The following GLYATL2 variants were observed in gnomAD, a reference collection of about 807,000 sequenced individuals.
The protein encoded by GLYATL2 is glycine N-acyltransferase-like protein 2.
GLYATL2 carries 25 observed loss-of-function variants against 21.4 expected under a neutral mutation model. That is an observed-to-expected ratio of 1.17 (90% CI 0.85 to 1.63). The LOEUF (loss-of-function observed/expected upper bound fraction) is 1.63, where lower values mean the gene tolerates loss of function less well. GLYATL2 is among the 40% of genes most tolerant of loss of function. GLYATL2 has a pLI of 0.00. For missense variants in GLYATL2, 361 were observed against 343.3 expected (o/e 1.05, Z -0.41); for synonymous variants, 114 against 118.2 (o/e 0.96, Z 0.23).
At chr11:58,860,814 T>C (rs10792195) in intron 1 of GLYATL2, among the ~76,000 whole-genome samples, 134,690 of 151,880 alleles carry the variant, frequency 0.89, 60,883 homozygotes, top group Non-Finnish European at 0.98. Flanking sequence ...CAGGAAATCA[T>C]GGTGAGCTTT....
intron 1 of GLYATL2, among the ~76,000 whole-genome samples, chr11:58,873,696 T>A (rs1406813100): frequency 6.6e-6 from 1 of 152,244 alleles, no homozygotes; most frequent in Non-Finnish European, 1.5e-5. Context: ...GCCAGTATTT[T>A]ATTGAGGATT....
upstream of GLYATL2, among the ~76,000 whole-genome samples, chr11:58,906,592 T>C (rs776685845): frequency 7.2e-5 from 11 of 152,182 alleles, no homozygotes; most frequent in Admixed American, 3.3e-4. Flanking sequence ...AGTCTCATTC[T>C]TTCTGTTGCA....
rs139974746 is a variant in GLYATL2, at chr11:58,869,932, C to T, written n.61-31564G>A. On this transcript the variant is annotated intron_variant and non_coding_transcript_variant, in intron 1 of 4. Transcript: ENST00000533636. ...CCTGAAAAACAAAGACCCCCGCCTG[C>T]ATCTCTATAAAATGAAAATAAAACA... 4.8e-3 allele frequency among the ~76,000 whole-genome samples: 731 copies of T among 152,154 alleles called. 4 individuals are homozygous for T. The highest frequency in any genetic ancestry group is 0.014 in the Middle Eastern group (4 of 294).
At chr11:58,877,064 C>T (rs537881885) in intron 1 of GLYATL2, among the ~76,000 whole-genome samples, 10 of 152,328 alleles carry the variant, frequency 6.6e-5, no homozygotes, top group South Asian at 4.1e-4. Context: ...GAGTGAGGCT[C>T]GGTAGGCATA....
intron 1 of GLYATL2, among the ~76,000 whole-genome samples, chr11:58,884,431 G>A (rs186901260): frequency 6.6e-6 from 1 of 152,314 alleles, no homozygotes. Context: ...GACAAACAGA[G>A]AGCCAAATAA....
chr11:58,846,667 A>C (rs1250651185), upstream of GLYATL2, among the ~76,000 whole-genome samples: 1 of 152,194 alleles, frequency 6.6e-6, no homozygotes, highest in Non-Finnish European at 1.5e-5. Context: ...GGGAATCACC[A>C]ATCCCAGCAG....
Position 58,834,403 on chromosome 11 carries a change from A to G in GLYATL2, c.*26T>C. On this transcript the variant is annotated 3_prime_UTR_variant, in exon 6 of 6. Transcript: ENST00000287275. ...ATTAATGTTTTTTTACTGATAAGAAAGATTTGAAATGGACAGTGGAATCAA... is the reference window on the plus strand; with the variant it reads ...ATTAATGTTTTTTTACTGATAAGAAGGATTTGAAATGGACAGTGGAATCAA... 1.3e-6 allele frequency: 2 copies of G among 1,529,374 alleles called. No homozygotes were observed. The highest frequency in any genetic ancestry group is 1.8e-6 in the Non-Finnish European group (2 of 1,139,192). 94.7% of individuals were successfully genotyped at this position (1,529,374 alleles called of 1,614,324 possible). A position where few individuals can be genotyped will look rare whatever the true frequency, so the allele number is the denominator to read the frequency against.
chr11:58,899,836 C>T (rs1208051303), intron 1 of GLYATL2, among the ~76,000 whole-genome samples: 1 of 152,132 alleles, frequency 6.6e-6, no homozygotes, highest in Non-Finnish European at 1.5e-5. Flanking sequence ...TATACACACA[C>T]ATACATATAT....
intron 1 of GLYATL2, chr11:58,885,111 A>G (rs1417151682): frequency 6.5e-6 from 1 of 152,988 alleles, no homozygotes; most frequent in African/African-American, 2.4e-5. Flanking sequence ...CATCAATGAA[A>G]TGGGAATAAT....
intron 1 of GLYATL2, among the ~76,000 whole-genome samples, chr11:58,869,426 C>G (rs950394969): frequency 6.6e-6 from 1 of 152,130 alleles, no homozygotes; most frequent in Non-Finnish European, 1.5e-5. Flanking sequence ...CTTTAAAAAT[C>G]AAACTGCCAT....
chr11:58,895,777 G>C (rs113233359), intron 1 of GLYATL2, among the ~76,000 whole-genome samples: 1 of 5,206 alleles, frequency 1.9e-4, no homozygotes, highest in African/African-American at 2.1e-4. Flanking sequence ...CAAGCCAAAA[G>C]CTTGCATAAG....
At chr11:58,839,694 T>C (rs915102942) in intron 1 of GLYATL2, 42 bp from the exon 2 acceptor site, 18 of 908,914 alleles carry the variant, frequency 2.0e-5, no homozygotes, top group Non-Finnish European at 2.9e-5. Flanking sequence ...TAGAGAGATA[T>C]GATAGGTGTC....
chr11:58,909,827 T>G, the GLYATL2 span, among the ~76,000 whole-genome samples: 1 of 152,204 alleles, frequency 6.6e-6, no homozygotes, highest in Non-Finnish European at 1.5e-5. Context: ...ATGGATTCAT[T>G]TGTTCACATG....
intron 1 of GLYATL2, among the ~76,000 whole-genome samples, chr11:58,864,841 C>A (rs1853996088): frequency 6.7e-6 from 1 of 149,082 alleles, no homozygotes; most frequent in Non-Finnish European, 1.5e-5. Flanking sequence ...AGTTGCACAG[C>A]ATCCAGTCAG....
intron 1 of GLYATL2, among the ~76,000 whole-genome samples, chr11:58,880,298 G>A (rs1854310292): frequency 6.6e-6 from 1 of 152,086 alleles, no homozygotes; most frequent in Non-Finnish European, 1.5e-5. Context: ...GCCAGGATGG[G>A]GTCATAAGAG....
At chr11:58,879,020 G>A (rs1244585023) in intron 1 of GLYATL2, among the ~76,000 whole-genome samples, 2 of 152,164 alleles carry the variant, frequency 1.3e-5, no homozygotes, top group Non-Finnish European at 2.9e-5. Flanking sequence ...ACAGGATTAG[G>A]CATGTAAACA....
chr11:58,866,923 T>G (rs549021877), intron 1 of GLYATL2, among the ~76,000 whole-genome samples: 2 of 149,400 alleles, frequency 1.3e-5, no homozygotes, highest in African/African-American at 4.8e-5. Context: ...TAGGTGCCAA[T>G]GGCTATCAGA....
intron 1 of GLYATL2, among the ~76,000 whole-genome samples, chr11:58,879,196 G>C (rs1244009316): frequency 6.7e-6 from 1 of 150,120 alleles, no homozygotes; most frequent in Non-Finnish European, 1.5e-5. Flanking sequence ...TTTCAATCTT[G>C]CATAAAAATA....
At chr11:58,856,248 A>G (rs1488327776) in intron 1 of GLYATL2, among the ~76,000 whole-genome samples, 2 of 152,180 alleles carry the variant, frequency 1.3e-5, no homozygotes, top group African/African-American at 4.8e-5. Context: ...TTATTTTCAA[A>G]TAACTTAAAA....
Sources: allele counts gnomAD v4.1 joint callset (sites outside exome capture counted in the v4.1 genomes callset), GRCh38; gene constraint gnomAD v4.1.1; transcripts MANE v1.5; gene names NCBI Gene and HGNC (gene_info 2026-07-23, HGNC 2026-07-21).